OGA: variants seen among roughly 807,000 people sequenced by gnomAD.
OGA encodes protein O-GlcNAcase.
Under a neutral mutation model 102.0 loss-of-function variants are expected in OGA, and 21 were observed. The ratio of observed to expected loss-of-function variants is 0.21; its 90% confidence interval spans 0.15 to 0.30. The LOEUF is 0.30. Among genes scored for constraint, OGA ranks in the 10% least tolerant of loss-of-function variants. The pLI is 1.00. For missense variants in OGA, 765 were observed against 1,107.8 expected, an observed-to-expected ratio of 0.69 and a Z score of 4.39; for synonymous variants, 408 against 378.2, an observed-to-expected ratio of 1.08 and a Z score of -0.91.
intron 14 of OGA, 190 bp from the exon 15 acceptor site, chr10:101,787,713 G>T: frequency 1.8e-6 from 1 of 558,158 alleles, no homozygotes; most frequent in Non-Finnish European, 3.1e-6. Flanking sequence ...ATCTCCTTCT[G>T]TTGGCCAGGC....
chr10:101,794,520 G>A (rs2065294108), intron 10 of OGA, among the ~76,000 whole-genome samples: 1 of 152,086 alleles, frequency 6.6e-6, no homozygotes, highest in East Asian at 1.9e-4. Context: ...AAATTAAGTT[G>A]ACAAAATGAA....
At chr10:101,796,518 C>T (rs2065318601) in intron 10 of OGA, among the ~76,000 whole-genome samples, 1 of 151,804 alleles carries the variant, frequency 6.6e-6, no homozygotes, top group Admixed American at 6.6e-5. Context: ...CCTAGGCCTC[C>T]CTAAGTGCTG....
Position 101,803,455 on chromosome 10 carries a change from A to C in OGA, c.1036+280T>G, listed in dbSNP as rs944143978. Among the ~76,000 whole-genome samples the C allele has an allele frequency of 3.3e-5, 5 of 149,926 alleles. No individual in the cohort carries two copies. In the East Asian group the frequency reaches 9.7e-4, roughly 29 times the overall value. On this transcript the variant is annotated intron_variant, in intron 7 of 15. Coordinates refer to ENST00000361464, the MANE Select transcript of OGA (RefSeq NM_012215.5). The stretch of plus-strand genomic sequence containing the variant: ...GCTGCTTCTGAATCATACTAAAAAA[A>C]AAAAAAACAAAAAAAAAAAAACTAA...
chr10:101,813,685 A>G (rs2065586109), intron 1 of OGA, 79 bp from the exon 2 acceptor site: 3 of 787,422 alleles, frequency 3.8e-6, no homozygotes. Context: ...GTTACAAAAC[A>G]TATAATACAA....
intron 3 of OGA, among the ~76,000 whole-genome samples, chr10:101,811,406 G>GAAAAAAAAAAAAAAAAAAAAAAAA (rs67433227): frequency 2.2e-5 from 1 of 45,704 alleles, no homozygotes; most frequent in Non-Finnish European, 3.7e-5. Flanking sequence ...GAAAAAAAAT[G>GAAAAAAAAAAAAAAAAAAAAAAAA]AAAAAAAAAA....
At chr10:101,806,784 C>A (rs2065481218) in intron 5 of OGA, among the ~76,000 whole-genome samples, 1 of 152,066 alleles carries the variant, frequency 6.6e-6, no homozygotes. Context: ...CAAGAATATG[C>A]CAATGGCAGC....
Position 101,799,376 on chromosome 10 carries a change from G to A in OGA, c.1275C>T (p.Ala425=), listed in dbSNP as rs976959692. The part of the protein sequence containing the change: ...TPLVAAPSLN[A]TTVVTTVYQE... ...GATAAACTGTTGTTACTACGGTTGT[G>A]GCATTTAAAGAGGGTGCTGCAACTA... The change falls in exon 9 of 16, where the codon GCC becomes GCT. Residue 425 remains alanine, a synonymous_variant. Transcript: ENST00000361464. 1 of 1,613,986 alleles carries A rather than the reference G, an allele frequency of 6.2e-7. No homozygotes were observed. Among genetic ancestry groups the A allele is most frequent in the Non-Finnish European group, 8.5e-7 (1 of 1,180,012 alleles).
chr10:101,810,396 T>C, intron 3 of OGA, 82 bp from the exon 4 acceptor site: 2 of 1,280,982 alleles, frequency 1.6e-6, no homozygotes, highest in Middle Eastern at 2.0e-4. Flanking sequence ...GAAGAGGTTA[T>C]TTCTTCTAAC....
chr10:101,800,464 A>G, intron 7 of OGA, 64 bp from the exon 8 acceptor site: 1 of 1,304,692 alleles, frequency 7.7e-7, no homozygotes, highest in Non-Finnish European at 1.1e-6. Flanking sequence ...CTGACAAGTG[A>G]GAAGAATAAA....
chr10:101,793,003 G>A (rs2135036775), intron 11 of OGA, 60 bp from the exon 12 acceptor site: 14 of 1,330,616 alleles, frequency 1.1e-5, no homozygotes, highest in Non-Finnish European at 1.5e-5. Flanking sequence ...TTTTTTAAAT[G>A]GGTGTGCACT....
Position 101,791,040 on chromosome 10 carries a change from T to A in OGA, c.2310A>T (p.Leu770=). Residue 770 remains leucine, a synonymous_variant, in exon 14 of 16, where the codon CTA becomes CTT. Transcript: ENST00000361464. ...LSLSLDYCFV[L]EDEDGICGYA... is the part of the protein sequence containing the mutation. ...AACCACATATGCCATCTTCATCTTCTAGGACAAAGCAGTAATCCAGGCTGA... is the reference window on the plus strand; with the variant it reads ...AACCACATATGCCATCTTCATCTTCAAGGACAAAGCAGTAATCCAGGCTGA... 6.2e-7 allele frequency: 1 copy of A among 1,613,694 alleles called. No individual in the cohort carries two copies. The highest frequency in any genetic ancestry group is 8.5e-7 in the Non-Finnish European group (1 of 1,179,924).
chr10:101,790,265 GTTTT>G (rs869235919), intron 14 of OGA, among the ~76,000 whole-genome samples: 18,279 of 84,652 alleles, frequency 0.22, 598 homozygotes, highest in Non-Finnish European at 0.24. Context: ...ATAATATCTT[GTTTT>G]TTTTTTTTTT....
intron 4 of OGA, 104 bp downstream of exon 4, chr10:101,810,080 A>G: frequency 8.6e-7 from 1 of 1,168,614 alleles, no homozygotes; most frequent in Admixed American, 2.6e-5. Context: ...AAAGAAAACA[A>G]AGAAATAGGA....
chr10:101,803,826 A>G lies in OGA; in HGVS notation c.945T>C (p.Asn315=). The G allele has an allele frequency of 6.2e-7, 1 of 1,614,150 alleles. No individual in the cohort carries two copies. The highest frequency in any genetic ancestry group is 8.5e-7 in the Non-Finnish European group (1 of 1,180,012). ...PRLKGVLTNP[N]CEFEANYVAI... ...CAACGTAGTTGGCTTCAAATTCACA[A>G]TTTGGATTAGTGAGGACTCCTTTTA... The change falls in exon 7 of 16, where the codon AAT becomes AAC. Residue 315 remains asparagine, a synonymous_variant. Coordinates refer to ENST00000361464, the MANE Select transcript of OGA (RefSeq NM_012215.5).
At chr10:101,800,179 G>T in intron 8 of OGA, 63 bp downstream of exon 8, 1 of 1,538,006 alleles carries the variant, frequency 6.5e-7, no homozygotes, top group Non-Finnish European at 8.9e-7. Flanking sequence ...GGGAGACAGT[G>T]TTCTTTACTT....
At chr10:101,808,878 G>C (rs113371301) in intron 4 of OGA, among the ~76,000 whole-genome samples, 347 of 152,190 alleles carry the variant, frequency 2.3e-3, no homozygotes, top group African/African-American at 8.0e-3. Context: ...GCTGAGGCCA[G>C]AGAATTGCTT....
chr10:101,794,075 C>T, intron 10 of OGA, 77 bp from the exon 11 acceptor site: 1 of 983,668 alleles, frequency 1.0e-6, no homozygotes, highest in Non-Finnish European at 1.6e-6. Context: ...AACAAACTGA[C>T]AAACACTTCG....
intron 7 of OGA, among the ~76,000 whole-genome samples, chr10:101,803,144 A>T (rs1379426594): frequency 6.6e-6 from 1 of 151,590 alleles, no homozygotes; most frequent in African/African-American, 2.4e-5. Context: ...CCATCTCAAA[A>T]AAAAAAAAAA....
At chr10:101,797,724 A>C in intron 10 of OGA, 1 of 581,862 alleles carries the variant, frequency 1.7e-6, no homozygotes, top group Non-Finnish European at 3.0e-6. Flanking sequence ...GAGCAAGTTA[A>C]AGTCAGTACT....
Sources: gnomAD v4.1 joint callset for allele counts (sites outside exome capture counted in the v4.1 genomes callset) on GRCh38, gnomAD v4.1.1 for gene constraint, MANE v1.5 for transcripts, NCBI Gene and HGNC (gene_info 2026-07-23, HGNC 2026-07-21) for gene names.